The following PARD3B variants were observed in gnomAD, a reference collection of about 807,000 sequenced individuals.
PARD3B encodes par-3 family cell polarity regulator beta, also known as partitioning defective 3 homolog B.
Under a neutral mutation model 130.2 loss-of-function variants are expected in PARD3B, and 103 were observed. That is an observed-to-expected ratio of 0.79 (90% confidence interval 0.67 to 0.93). PARD3B has a LOEUF of 0.93. Ranked by LOEUF, PARD3B falls within the 40% of genes least tolerant of loss-of-function variation. The pLI is 0.00. For synonymous variants in PARD3B, 583 were observed against 553.2 expected (o/e 1.05, Z -0.76); for missense variants, 1,609 against 1,499.2 (o/e 1.07, Z -1.21).
chr2:205,199,599 A>C (rs1023736631), intron 15 of PARD3B, among the ~76,000 whole-genome samples: 1 of 152,130 alleles, frequency 6.6e-6, no homozygotes. Flanking sequence ...TAAAAGTTAG[A>C]CAGCCAAGCT....
chr2:204,840,655 G>A (rs1416733905), intron 2 of PARD3B, among the ~76,000 whole-genome samples: 2 of 151,980 alleles, frequency 1.3e-5, no homozygotes, highest in East Asian at 3.9e-4. Flanking sequence ...GCAAATACGT[G>A]TGGTTGTCTT....
intron 2 of PARD3B, among the ~76,000 whole-genome samples, chr2:204,960,147 A>C (rs1690617930): frequency 6.6e-6 from 1 of 152,144 alleles, no homozygotes; most frequent in African/African-American, 2.4e-5. Context: ...CTGCATCTCC[A>C]CTTGCTGTGA....
At chr2:204,719,099 T>C (rs1184061867) in intron 2 of PARD3B, among the ~76,000 whole-genome samples, 1 of 152,232 alleles carries the variant, frequency 6.6e-6, no homozygotes, top group African/African-American at 2.4e-5. Context: ...GAAAAGAGTA[T>C]GTTCATAGTT....
chr2:205,279,723 C>G (rs1440763694), intron 16 of PARD3B, among the ~76,000 whole-genome samples: 1 of 152,150 alleles, frequency 6.6e-6, no homozygotes, highest in Admixed American at 6.6e-5. Context: ...GATGGTTCAG[C>G]CAGTTCCATT....
At position 205,012,722 on chromosome 2, in the gene PARD3B, T is replaced by C. The variant is rs185047029; in HGVS notation, c.395-34859T>C. 2.2e-3 allele frequency among the ~76,000 whole-genome samples: 334 copies of C among 152,388 alleles called. 2 individuals are homozygous for C. The highest frequency in any genetic ancestry group is 7.5e-3 in the African/African-American group (310 of 41,590). ...ACTGCACATATAACTTAACTATTTC[T>C]GTATTTATCTTCAGTTTTCAGTGTT... On this transcript the variant is annotated intron_variant, in intron 3 of 22. Transcript: ENST00000406610.
At chr2:205,124,940 G>A (rs572665213) in intron 9 of PARD3B, among the ~76,000 whole-genome samples, 1 of 152,318 alleles carries the variant, frequency 6.6e-6, no homozygotes, top group South Asian at 2.1e-4. Context: ...TTTGCAGAGA[G>A]ATATATTTGG....
intron 21 of PARD3B, among the ~76,000 whole-genome samples, chr2:205,513,245 A>G (rs780138975): frequency 3.3e-5 from 5 of 152,078 alleles, no homozygotes; most frequent in Admixed American, 6.6e-5. Flanking sequence ...ACAAATCGCT[A>G]TGGGCTTTAG....
chr2:204,868,504 T>C (rs1002505962), intron 2 of PARD3B, among the ~76,000 whole-genome samples: 2 of 152,118 alleles, frequency 1.3e-5, no homozygotes, highest in African/African-American at 4.8e-5. Flanking sequence ...ATTTTAAAAC[T>C]AGAAAAATTT....
chr2:204,711,243 A>G (rs2038419438), intron 2 of PARD3B, among the ~76,000 whole-genome samples: 1 of 152,152 alleles, frequency 6.6e-6, no homozygotes, highest in African/African-American at 2.4e-5. Context: ...TCTTCTCCCC[A>G]TATTTCTAGA....
At chr2:204,676,900 C>T (rs1049137636) in intron 1 of PARD3B, among the ~76,000 whole-genome samples, 9 of 152,026 alleles carry the variant, frequency 5.9e-5, no homozygotes, top group African/African-American at 1.5e-4. Context: ...AAACTCCTGA[C>T]GTCGTGATCC....
rs2047079397 is a variant in PARD3B at position 204,907,517 on chromosome 2, A to C, written c.223-57635A>C. On this transcript the variant is annotated intron_variant, in intron 2 of 22. Transcript: ENST00000406610. The surrounding 1 kb of genome is among the most constrained non-coding windows in gnomAD (Gnocchi z 5.7). Reference sequence around the variant, plus strand: ...CAGAATAAATTATTCTTTTCAGGGAATTTCACTGTGTCACTCTGGGTGGTA... The same window carrying C: ...CAGAATAAATTATTCTTTTCAGGGACTTTCACTGTGTCACTCTGGGTGGTA... Among the ~76,000 whole-genome samples the C allele has an allele frequency of 6.6e-6, 1 of 152,130 alleles. No individual in the cohort carries two copies. The highest frequency in any genetic ancestry group is 1.5e-5 in the Non-Finnish European group (1 of 68,012).
intron 2 of PARD3B, among the ~76,000 whole-genome samples, chr2:204,779,100 C>G (rs1430685904): frequency 2.6e-5 from 4 of 152,114 alleles, no homozygotes; most frequent in Admixed American, 6.5e-5. Context: ...GCTGGAGATG[C>G]TTTAACCTGT....
chr2:205,582,208 T>C (rs1215222651), intron 22 of PARD3B, among the ~76,000 whole-genome samples: 1 of 152,170 alleles, frequency 6.6e-6, no homozygotes, highest in East Asian at 1.9e-4. Flanking sequence ...CTTAAAAATA[T>C]GGTTGCTGTG....
At chr2:205,117,540 T>G (rs2029972897) in intron 6 of PARD3B, among the ~76,000 whole-genome samples, 1 of 152,236 alleles carries the variant, frequency 6.6e-6, no homozygotes. Context: ...CTCTAATACT[T>G]GCATTGTAGA....
intron 15 of PARD3B, among the ~76,000 whole-genome samples, chr2:205,245,391 A>G (rs1049776381): frequency 5.3e-5 from 8 of 152,182 alleles, no homozygotes; most frequent in African/African-American, 1.9e-4. Flanking sequence ...TAAGTATTTA[A>G]TATACACACA....
chr2:204,702,056 G>A (rs1055678065), intron 2 of PARD3B, among the ~76,000 whole-genome samples: 1 of 152,146 alleles, frequency 6.6e-6, no homozygotes, highest in Non-Finnish European at 1.5e-5. Flanking sequence ...CATTCATGTT[G>A]CTGCGAAGGA....
At chr2:204,759,559 A>C (rs1260702709) in intron 2 of PARD3B, among the ~76,000 whole-genome samples, 1 of 152,112 alleles carries the variant, frequency 6.6e-6, no homozygotes, top group Non-Finnish European at 1.5e-5. Flanking sequence ...ATAGTTCACT[A>C]TATGGCCATA....
chr2:204,683,157 A>C (rs1002264758), intron 1 of PARD3B, among the ~76,000 whole-genome samples: 3 of 152,196 alleles, frequency 2.0e-5, no homozygotes, highest in African/African-American at 7.2e-5. Flanking sequence ...GAGAAAACAT[A>C]ATTATAACAT....
chr2:204,737,507 A>T (rs1393850451), intron 2 of PARD3B, among the ~76,000 whole-genome samples: 1 of 152,068 alleles, frequency 6.6e-6, no homozygotes, highest in Non-Finnish European at 1.5e-5. Flanking sequence ...AACTTTGCAA[A>T]TATTTTCTCC....
Sources: allele counts gnomAD v4.1 joint callset (sites outside exome capture counted in the v4.1 genomes callset), GRCh38; gene constraint gnomAD v4.1.1; non-coding constraint Gnocchi (gnomAD v3.1); transcripts MANE v1.5; gene names NCBI Gene and HGNC (gene_info 2026-07-23, HGNC 2026-07-21).